Variants in HECTD4 observed in about 807,000 individuals in gnomAD.
HECTD4 encodes the protein HECT domain E3 ubiquitin protein ligase 4.
A neutral mutation model predicts 471.5 loss-of-function variants in HECTD4; 114 were observed. The ratio of observed to expected loss-of-function variants is 0.24; its 90% CI spans 0.21 to 0.28. The LOEUF (loss-of-function observed/expected upper bound fraction) is 0.28. HECTD4 is among the 10% of genes least tolerant of loss of function. HECTD4 has a pLI of 1.00. For synonymous variants in HECTD4, 2,012 were observed against 2,256.0 expected (o/e 0.89, Z 3.07); for missense variants, 3,866 against 5,651.5 (o/e 0.68, Z 10.13).
At chr12:112,237,397 T>C (rs2033537040) in intron 34 of HECTD4, among the ~76,000 whole-genome samples, 1 of 152,176 alleles carries the variant, frequency 6.6e-6, no homozygotes, top group Non-Finnish European at 1.5e-5. Flanking sequence ...GATGAAAACA[T>C]CTTGATTTCT....
Position 112,313,084 on chromosome 12 carries a change from T to C in HECTD4, c.849A>G (p.Val283=), listed in dbSNP as rs1025524316. 6.5e-7 allele frequency: 1 copy of C among 1,535,834 alleles called. No individual in the cohort carries two copies. The highest frequency in any genetic ancestry group is 2.0e-5 in the Admixed American group (1 of 50,986). The change falls in exon 4 of 76, where the codon GTA becomes GTG. Residue 283 remains valine, a synonymous_variant. Transcript: ENST00000682272. ...GCAACATGTCTTCATAACCCCATGA[T>C]ACTATGTGTTTGCCCCCAAGCAAAC... is the stretch of plus-strand genomic sequence containing the variant. The part of the protein sequence containing the change: ...PSCLLGGKHI[V]SWGYEDMLPA...
At chr12:112,345,336 A>G (rs1353637418) in intron 1 of HECTD4, among the ~76,000 whole-genome samples, 5 of 152,112 alleles carry the variant, frequency 3.3e-5, no homozygotes, top group Non-Finnish European at 7.4e-5. Context: ...CAGGACAATG[A>G]AACGATATGA....
intron 10 of HECTD4, 75 bp downstream of exon 10, chr12:112,274,772 A>T (rs981888058): frequency 1.4e-5 from 12 of 856,544 alleles, no homozygotes; most frequent in Middle Eastern, 2.2e-4. Flanking sequence ...TGCCACAGGG[A>T]ACTGGCAAGA....
chr12:112,215,649 C>CT (rs2032898027), intron 48 of HECTD4, among the ~76,000 whole-genome samples: 2 of 152,066 alleles, frequency 1.3e-5, no homozygotes, highest in African/African-American at 4.8e-5. Context: ...CTCTCTCTCT[C>CT]TGTTTTTTGA....
intron 1 of HECTD4, among the ~76,000 whole-genome samples, chr12:112,355,920 A>AT (rs1230794787): frequency 2.0e-5 from 3 of 151,806 alleles, no homozygotes; most frequent in Non-Finnish European, 4.4e-5. Context: ...TACTCAAATA[A>AT]TTTTTTTTTA....
chr12:112,176,118 G>T (rs1219048805), intron 65 of HECTD4, among the ~76,000 whole-genome samples: 1 of 152,196 alleles, frequency 6.6e-6, no homozygotes, highest in Non-Finnish European at 1.5e-5. Flanking sequence ...CTCTTTCTAT[G>T]AATCTCTAAA....
chr12:112,212,787 T>TGTTA, intron 48 of HECTD4, 137 bp from the exon 49 acceptor site: 1 of 625,744 alleles, frequency 1.6e-6, no homozygotes, highest in East Asian at 3.7e-5. Context: ...ATGAAGTTAT[T>TGTTA]GTTATTTATT....
intron 1 of HECTD4, among the ~76,000 whole-genome samples, chr12:112,366,097 G>C (rs973190196): frequency 6.6e-6 from 1 of 152,048 alleles, no homozygotes; most frequent in Non-Finnish European, 1.5e-5. Flanking sequence ...ATGATTAGCA[G>C]TATAAGATAC....
At chr12:112,317,618 C>T (rs1386429374) in intron 2 of HECTD4, among the ~76,000 whole-genome samples, 1 of 152,130 alleles carries the variant, frequency 6.6e-6, no homozygotes, top group Admixed American at 6.5e-5. Context: ...AGTGAAACTT[C>T]TTTCTCACAA....
chr12:112,216,815 T>C lies in HECTD4; in HGVS notation c.7343A>G (p.Asp2448Gly). ...FGFTTEAEKR[D>G]GAWTNPVGTC... ...GCCCACTGGATTAGTCCAAGCCCCATCTCGCTTCTCTGCTTCTGTAGTGAA... is the reference window on the plus strand; with the variant it reads ...GCCCACTGGATTAGTCCAAGCCCCACCTCGCTTCTCTGCTTCTGTAGTGAA... The change falls in exon 47 of 76, where the codon GAT becomes GGT. Residue 2448 changes from aspartate (D) to glycine (G), a missense_variant. Asp to Gly is a moderately conservative substitution (Grantham distance 94, BLOSUM62 -1). Around this residue, in one of 16 missense-constraint regions of HECTD4, gnomAD observed 617 missense variants for 915.1 expected, o/e 0.67. Transcript: ENST00000682272. 6.2e-7 allele frequency: 1 copy of C among 1,614,002 alleles called. No homozygotes were observed. The highest frequency in any genetic ancestry group is 8.5e-7 in the Non-Finnish European group (1 of 1,179,892).
At chr12:112,377,665 G>A (rs1170267077) in intron 1 of HECTD4, among the ~76,000 whole-genome samples, 1 of 152,110 alleles carries the variant, frequency 6.6e-6, no homozygotes, top group Non-Finnish European at 1.5e-5. Context: ...GAGGTTAGGA[G>A]TTCGAGACCA....
In HECTD4 at chr12:112,176,578, C is replaced by A. The variant is rs2031458937; in HGVS notation, c.11470+18G>T. The A allele has an allele frequency of 1.9e-6, 3 of 1,567,666 alleles. No individual in the cohort carries two copies. Among genetic ancestry groups the A allele is most frequent in the African/African-American group, 1.4e-5 (1 of 73,920 alleles). Reference sequence around the variant, plus strand: ...GAAGTAGGTCCCAGCCCACTCCAGGCCCCGTCTGCTCATTCACCTTCTTGT... The same window carrying A: ...GAAGTAGGTCCCAGCCCACTCCAGGACCCGTCTGCTCATTCACCTTCTTGT... On this transcript the variant is annotated intron_variant, in intron 65 of 75. Transcript: ENST00000682272.
rs1007218800 is a variant in HECTD4 at position 112,200,712 on chromosome 12, C to T, written c.8493G>A (p.Arg2831=). 5 of 1,613,804 alleles carry T rather than the reference C, an allele frequency of 3.1e-6. No homozygotes were observed. The highest frequency in any genetic ancestry group is 1.1e-5 in the South Asian group (1 of 91,084). ...CAGTCCTTCGGTAGCCTGCTGGGGG[C>T]CTTTCCAACATGTCAATAGGATACC... ...RYWYPIDMLE[R]PPAGYRRTAT... Residue 2831 remains arginine (R), a synonymous_variant, in exon 55 of 76, where the codon AGG becomes AGA. Coordinates refer to ENST00000682272, the MANE Select transcript of HECTD4 (RefSeq NM_001388303.1).
intron 1 of HECTD4, among the ~76,000 whole-genome samples, chr12:112,379,519 C>T (rs1277395886): frequency 6.6e-6 from 1 of 151,982 alleles, no homozygotes; most frequent in African/African-American, 2.4e-5. Context: ...CATGGCAAAA[C>T]CTTGTCTCTA....
At chr12:112,288,059 T>C (rs1284747089) in intron 7 of HECTD4, among the ~76,000 whole-genome samples, 2 of 151,822 alleles carry the variant, frequency 1.3e-5, no homozygotes, top group East Asian at 3.9e-4. Context: ...CCAGGCACGG[T>C]GGCTCATGCC....
chr12:112,294,526 C>T (rs2034962040), intron 7 of HECTD4, among the ~76,000 whole-genome samples: 1 of 152,144 alleles, frequency 6.6e-6, no homozygotes, highest in Admixed American at 6.5e-5. Context: ...TAAAATATTT[C>T]CATGTCCCCA....
At chr12:112,304,692 A>AT (rs2035237997) in intron 7 of HECTD4, among the ~76,000 whole-genome samples, 1 of 151,210 alleles carries the variant, frequency 6.6e-6, no homozygotes, top group Non-Finnish European at 1.5e-5. Flanking sequence ...AAAAAAAAAA[A>AT]GCTTTTCTGA....
At position 112,193,590 on chromosome 12, in the gene HECTD4, A is replaced by C; in HGVS notation, c.8834T>G (p.Leu2945Arg). The change falls in exon 57 of 76, where the codon CTC (leucine) becomes CGC (arginine). Residue 2945 changes from leucine to arginine, a missense_variant. Transcript: ENST00000682272. This position sits in a 1 kb window ranked among gnomAD's most constrained non-coding sequence, Gnocchi z 5.2. Reference protein sequence around the residue: ...IHSQNCSATDLFYQGNSQTVR... With the variant: ...IHSQNCSATDRFYQGNSQTVR... ...TGTCTGGGAGTTGCCCTGGTAAAAG[A>C]GGTCCGTGGCGGAGCAGTTCTGGGA... The C allele has an allele frequency of 6.2e-7, 1 of 1,613,150 alleles. No homozygotes were observed. Among genetic ancestry groups the C allele is most frequent in the Non-Finnish European group, 8.5e-7 (1 of 1,179,610 alleles).
chr12:112,164,397 G>C (rs2030840087), intron 72 of HECTD4, 122 bp from the exon 73 acceptor site: 5 of 1,008,234 alleles, frequency 5.0e-6, no homozygotes, highest in Non-Finnish European at 4.3e-6. Context: ...GTGTAGATGA[G>C]CATGTGACAC....
Sources: allele counts gnomAD v4.1 joint callset (sites outside exome capture counted in the v4.1 genomes callset), GRCh38; gene constraint gnomAD v4.1.1; regional missense constraint gnomAD v4.1.1; non-coding constraint Gnocchi (gnomAD v3.1); transcripts MANE v1.5; gene names NCBI Gene and HGNC (gene_info 2026-07-23, HGNC 2026-07-21).